MTMR9: variants seen among roughly 807,000 people sequenced by gnomAD.
MTMR9 encodes myotubularin-related protein 9.
In MTMR9, 39 loss-of-function variants were observed where a neutral mutation model predicts 69.5. The observed-to-expected ratio is 0.56, with a 90% CI of 0.43 to 0.73. The LOEUF (loss-of-function observed/expected upper bound fraction) is 0.73, where lower values mean the gene tolerates loss of function less well. MTMR9 is among the 30% of genes least tolerant of loss of function. The pLI, the probability that MTMR9 is intolerant of heterozygous loss-of-function variation, is 0.00. For synonymous variants in MTMR9, 354 were observed against 240.8 expected (o/e 1.47, Z -4.35); for missense variants, 900 against 671.2 (o/e 1.34, Z -3.77).
chr8:11,312,818 T>C (rs1196859469), intron 6 of MTMR9, among the ~76,000 whole-genome samples: 1 of 152,360 alleles, frequency 6.6e-6, no homozygotes, highest in South Asian at 2.1e-4. Flanking sequence ...CTTTGATCCA[T>C]GGCCTGCAGA....
At chr8:11,332,949 A>G (rs1043766388), downstream of MTMR9, among the ~76,000 whole-genome samples, 10 of 152,246 alleles carry the variant, frequency 6.6e-5, no homozygotes, top group Admixed American at 3.3e-4. Flanking sequence ...AAATTTGAAG[A>G]TAGGATTATT....
chr8:11,332,234 G>T, downstream of MTMR9: 1 of 1,466,490 alleles, frequency 6.8e-7, no homozygotes, highest in Non-Finnish European at 9.1e-7. Flanking sequence ...TCCTAGGAAA[G>T]AGTGAAAGTC....
intron 3 of MTMR9, among the ~76,000 whole-genome samples, chr8:11,302,455 A>G (rs972287943): frequency 6.6e-6 from 1 of 152,170 alleles, no homozygotes; most frequent in Non-Finnish European, 1.5e-5. Flanking sequence ...CTACTGAACA[A>G]TAAAGCAAAG....
chr8:11,295,374 T>C (rs1799518087), intron 2 of MTMR9, 72 bp downstream of exon 2: 1 of 891,360 alleles, frequency 1.1e-6, no homozygotes, highest in Non-Finnish European at 1.8e-6. Flanking sequence ...CTTCCATTTC[T>C]TCATTAGATA....
intron 1 of MTMR9, among the ~76,000 whole-genome samples, chr8:11,287,034 T>C (rs1799188452): frequency 6.6e-6 from 1 of 152,232 alleles, no homozygotes; most frequent in Non-Finnish European, 1.5e-5. Flanking sequence ...ACAGTTCTTG[T>C]CTTTCAGGAG....
intron 6 of MTMR9, among the ~76,000 whole-genome samples, chr8:11,314,345 C>T (rs1210759779): frequency 1.3e-5 from 2 of 152,150 alleles, no homozygotes; most frequent in Admixed American, 1.3e-4. Flanking sequence ...GCAGTGGTAT[C>T]TTTACAACTG....
Position 11,323,850 on chromosome 8 carries a change from A to G in MTMR9, c.*1062A>G, listed in dbSNP as rs201453624. On this transcript the variant is annotated 3_prime_UTR_variant, in exon 10 of 10. Transcript: ENST00000221086. ...TTTGTCCATTATGTGTTAGGCAAAT[A>G]TAACTTAAGTGGAGGGGGAAGTTTA... 6.6e-6 allele frequency: 1 copy of G among 152,216 alleles called. No homozygotes were observed. The highest frequency in any genetic ancestry group is 6.5e-5 in the Admixed American group (1 of 15,286). 9.4% of individuals were successfully genotyped at this position (152,216 alleles called of 1,614,324 possible). A position where few individuals can be genotyped will look rare whatever the true frequency, so the allele number is the denominator to read the frequency against.
At chr8:11,338,154 C>G in the MTMR9 span, among the ~76,000 whole-genome samples, 2 of 152,216 alleles carry the variant, frequency 1.3e-5, no homozygotes, top group Non-Finnish European at 2.9e-5. Context: ...ACATCTGGAG[C>G]TGATGCTTGG....
chr8:11,298,539 C>T (rs957405094), intron 2 of MTMR9, among the ~76,000 whole-genome samples: 5 of 151,920 alleles, frequency 3.3e-5, no homozygotes, highest in Non-Finnish European at 7.4e-5. Context: ...GCTGTATGTC[C>T]GGTCTACTAT....
At chr8:11,319,617 C>T in intron 8 of MTMR9, 70 bp from the exon 9 acceptor site, 7 of 1,501,730 alleles carry the variant, frequency 4.7e-6, no homozygotes, top group Middle Eastern at 2.4e-4. Context: ...AAATTGTCCT[C>T]GTAAGAGGAG....
At chr8:11,337,535 A>G in the MTMR9 span, among the ~76,000 whole-genome samples, 2 of 152,138 alleles carry the variant, frequency 1.3e-5, no homozygotes, top group Non-Finnish European at 2.9e-5. Context: ...ATCAGATCCA[A>G]TCAGCTTCAT....
At chr8:11,338,117 G>C in the MTMR9 span, among the ~76,000 whole-genome samples, 1 of 152,242 alleles carries the variant, frequency 6.6e-6, no homozygotes, top group African/African-American at 2.4e-5. Context: ...ACTGTCCCAT[G>C]ACTCAGAATT....
rs117487647 is a variant in MTMR9 at position 11,302,432 on chromosome 8, T to A, written c.417+2284T>A. On this transcript the variant is annotated intron_variant, in intron 3 of 9. Transcript: ENST00000221086. The stretch of plus-strand genomic sequence containing the variant: ...AAGATAATAAAAAAATCTTTAGACA[T>A]GTTGTTGTTCAGCTACTGAACAATA... Among the ~76,000 whole-genome samples, 76 of 152,080 alleles carry A rather than the reference T, an allele frequency of 5.0e-4. No homozygotes were observed. In the East Asian group the frequency reaches 0.011, roughly 23 times the overall value.
chr8:11,329,339 T>G (rs1380326226), downstream of MTMR9, among the ~76,000 whole-genome samples: 2 of 152,206 alleles, frequency 1.3e-5, no homozygotes, highest in African/African-American at 4.8e-5. Flanking sequence ...CTCCCTCTCT[T>G]TCCATGGTCT....
rs758966818 is a variant in MTMR9, at chr8:11,322,699, T to A, written c.1561T>A (p.Tyr521Asn). Residue 521 changes from tyrosine to asparagine, a missense_variant, in exon 10 of 10, where the codon TAT becomes AAT. By Grantham distance (143) the Tyr-to-Asn change is moderately radical (BLOSUM62 -2). Transcript: ENST00000221086. Reference protein sequence around the residue: ...AYEEMVNIIEYNKELQAKVNI... With the variant: ...AYEEMVNIIENNKELQAKVNI... ...TGAAGAAATGGTTAACATCATTGAA[T>A]ATAATAAAGAATTACAAGCAAAAGT... 6 of 1,613,820 alleles carry A rather than the reference T, an allele frequency of 3.7e-6. No homozygotes were observed. The highest frequency in any genetic ancestry group is 1.7e-5 in the Admixed American group (1 of 59,986).
intron 8 of MTMR9, chr8:11,317,692 A>T (rs1800488281): frequency 6.6e-6 from 1 of 152,426 alleles, no homozygotes; most frequent in Non-Finnish European, 1.5e-5. Flanking sequence ...TTACACCTAG[A>T]AACTGTCCTC....
downstream of MTMR9, chr8:11,331,485 G>A (rs532136763): frequency 4.6e-5 from 74 of 1,613,912 alleles, no homozygotes; most frequent in Admixed American, 1.0e-4. Context: ...GGTGGTGCCC[G>A]CTGGCAACGC....
the MTMR9 span, among the ~76,000 whole-genome samples, chr8:11,336,777 G>A: frequency 1.3e-5 from 2 of 152,210 alleles, no homozygotes; most frequent in African/African-American, 4.8e-5. Flanking sequence ...TGCAGCAGAA[G>A]TAAGTGTGAA....
intron 1 of MTMR9, among the ~76,000 whole-genome samples, chr8:11,287,368 T>G (rs1236623149): frequency 6.6e-6 from 1 of 152,132 alleles, no homozygotes; most frequent in Non-Finnish European, 1.5e-5. Flanking sequence ...GTGCTGGGCT[T>G]TGTAGTACAT....
Sources: allele counts gnomAD v4.1 joint callset (sites outside exome capture counted in the v4.1 genomes callset), GRCh38; gene constraint gnomAD v4.1.1; transcripts MANE v1.5; gene names NCBI Gene and HGNC (gene_info 2026-07-23, HGNC 2026-07-21).